Variants in UNC13C observed in about 807,000 individuals in gnomAD.
UNC13C encodes protein unc-13 homolog C.
A neutral mutation model predicts 245.4 loss-of-function variants in UNC13C; 174 were observed. That is an observed-to-expected ratio of 0.71 (90% CI 0.63 to 0.80). The LOEUF (loss-of-function observed/expected upper bound fraction) is 0.80. Ranked by LOEUF, UNC13C falls within the 30% of genes least tolerant of loss-of-function variation. The pLI is 0.00. For missense variants in UNC13C, 2,829 were observed against 2,602.9 expected, an observed-to-expected ratio of 1.09 and a Z score of -1.89; for synonymous variants, 992 against 895.1, an observed-to-expected ratio of 1.11 and a Z score of -1.93.
the UNC13C span, chr15:53,972,921 T>C: frequency 8.5e-5 from 13 of 152,256 alleles, no homozygotes; most frequent in South Asian, 2.7e-3. Context: ...ATACATCAAC[T>C]TTATTGTCAA....
At chr15:54,526,119 G>A (rs1400632737) in intron 25 of UNC13C, among the ~76,000 whole-genome samples, 1 of 152,146 alleles carries the variant, frequency 6.6e-6, no homozygotes, top group Non-Finnish European at 1.5e-5. Flanking sequence ...AGGATTCTTG[G>A]TTTTAGGGCC....
chr15:54,104,019 A>C (rs192984851), intron 2 of UNC13C, among the ~76,000 whole-genome samples: 18 of 152,250 alleles, frequency 1.2e-4, no homozygotes, highest in African/African-American at 3.9e-4. Flanking sequence ...CTGGGATTAC[A>C]GGCGTGAGCC....
At chr15:54,608,471 A>G (rs1247897391) in intron 30 of UNC13C, among the ~76,000 whole-genome samples, 2 of 152,196 alleles carry the variant, frequency 1.3e-5, no homozygotes, top group African/African-American at 4.8e-5. Flanking sequence ...CAGTAGAGTT[A>G]TTTATGTATA....
intron 2 of UNC13C, among the ~76,000 whole-genome samples, chr15:54,080,125 T>C (rs1245212132): frequency 6.6e-6 from 1 of 151,940 alleles, no homozygotes; most frequent in East Asian, 1.9e-4. Context: ...ATTACACTTA[T>C]TGATTTACAT....
chr15:53,901,910 T>A, the UNC13C span, among the ~76,000 whole-genome samples: 10 of 152,292 alleles, frequency 6.6e-5, no homozygotes, highest in Middle Eastern at 3.4e-3. Context: ...GACCACTTTT[T>A]TTATTTATGG....
chr15:54,538,986 C>T (rs1191548759), intron 26 of UNC13C, among the ~76,000 whole-genome samples: 1 of 151,866 alleles, frequency 6.6e-6, no homozygotes, highest in East Asian at 1.9e-4. Context: ...CACGTGCCTT[C>T]TGAATTTAAA....
chr15:53,919,058 T>C, the UNC13C span, among the ~76,000 whole-genome samples: 1 of 152,330 alleles, frequency 6.6e-6, no homozygotes, highest in East Asian at 1.9e-4. Context: ...TTGAACCAAT[T>C]ATTTCCTAAC....
intron 2 of UNC13C, among the ~76,000 whole-genome samples, chr15:54,141,405 G>A (rs149457063): frequency 1.8e-4 from 27 of 152,088 alleles, no homozygotes; most frequent in African/African-American, 5.8e-4. Flanking sequence ...GGACAGTTTC[G>A]TTTGCTTTTA....
chr15:54,249,776 A>G (rs1211215425), intron 7 of UNC13C, among the ~76,000 whole-genome samples: 2 of 152,294 alleles, frequency 1.3e-5, no homozygotes, highest in East Asian at 1.9e-4. Flanking sequence ...AGGTACTGAA[A>G]GCAAATTTCC....
chr15:54,279,743 T>C (rs1179406653), intron 10 of UNC13C, among the ~76,000 whole-genome samples: 4 of 152,202 alleles, frequency 2.6e-5, no homozygotes, highest in African/African-American at 9.6e-5. Context: ...AAGAAATATT[T>C]ATTATCTCCC....
At chr15:54,139,394 T>C (rs1378218521) in intron 2 of UNC13C, among the ~76,000 whole-genome samples, 4 of 152,134 alleles carry the variant, frequency 2.6e-5, no homozygotes, top group Admixed American at 2.0e-4. Flanking sequence ...TACCAGACGT[T>C]AGGACTTCAA....
At chr15:54,414,923 T>C in intron 18 of UNC13C, 59 bp from the exon 19 acceptor site, 1 of 1,187,824 alleles carries the variant, frequency 8.4e-7, no homozygotes, top group South Asian at 1.3e-5. Context: ...AAATGCTGTA[T>C]TTTGGTTTTT....
intron 30 of UNC13C, among the ~76,000 whole-genome samples, chr15:54,580,789 A>G (rs1294680054): frequency 6.6e-6 from 1 of 152,192 alleles, no homozygotes; most frequent in Non-Finnish European, 1.5e-5. Context: ...CAGCTCCCTA[A>G]GCAAGTAAGC....
upstream of UNC13C, among the ~76,000 whole-genome samples, chr15:53,976,475 C>CTTTTTTTTTTTTTTTTTTT (rs879775519): frequency 2.5e-4 from 16 of 63,726 alleles, 1 homozygote; most frequent in Non-Finnish European, 3.5e-4. Context: ...CTCTCTCTCT[C>CTTTTTTTTTTTTTTTTTTT]TCTTTTTTTT....
the UNC13C span, among the ~76,000 whole-genome samples, chr15:53,886,957 A>C: frequency 6.6e-6 from 1 of 152,174 alleles, no homozygotes; most frequent in African/African-American, 2.4e-5. Context: ...ATCAAAAACA[A>C]GGAAAAACTG....
intron 14 of UNC13C, among the ~76,000 whole-genome samples, chr15:54,324,340 C>T (rs753278580): frequency 3.3e-5 from 5 of 152,010 alleles, no homozygotes; most frequent in Admixed American, 6.6e-5. Context: ...ATAGCCCACA[C>T]ATTTTGAGAC....
chr15:54,063,711 C>G (rs1897948145), intron 2 of UNC13C, among the ~76,000 whole-genome samples: 1 of 152,152 alleles, frequency 6.6e-6, no homozygotes, highest in Non-Finnish European at 1.5e-5. Flanking sequence ...TAAAAAATGA[C>G]TAGTCTTTGT....
Position 54,099,175 on chromosome 15 carries a change from C to T in UNC13C, c.2984-43843C>T, listed in dbSNP as rs28737278. ...AGAGTAGAACCAAAAGTGATAGCAA[C>T]TTCAGGGTGATCCCCAGCTTCTCTG... On this transcript the variant is annotated intron_variant, in intron 2 of 32. Coordinates refer to ENST00000260323, the MANE Select transcript of UNC13C (RefSeq NM_001080534.3). 4.4e-3 allele frequency among the ~76,000 whole-genome samples: 670 copies of T among 152,272 alleles called. 7 individuals are homozygous for T. The highest frequency in any genetic ancestry group is 0.016 in the African/African-American group (645 of 41,552).
intron 18 of UNC13C, among the ~76,000 whole-genome samples, chr15:54,406,288 C>A (rs1385800062): frequency 6.6e-6 from 1 of 152,184 alleles, no homozygotes; most frequent in Non-Finnish European, 1.5e-5. Context: ...TTCCTTTTGA[C>A]ATCCCTGTCT....
Sources: gnomAD v4.1 joint callset for allele counts (sites outside exome capture counted in the v4.1 genomes callset) on GRCh38, gnomAD v4.1.1 for gene constraint, MANE v1.5 for transcripts, NCBI Gene and HGNC (gene_info 2026-07-23, HGNC 2026-07-21) for gene names.